The following ATP4B variants were observed in gnomAD, a reference collection of about 807,000 sequenced individuals.
ATP4B encodes potassium-transporting ATPase subunit beta.
In ATP4B, 27 loss-of-function variants were observed where a neutral mutation model predicts 35.3. The observed-to-expected ratio is 0.76, with a 90% CI of 0.56 to 1.05. The LOEUF is 1.05. Among genes scored for constraint, ATP4B ranks in the 50% least tolerant of loss-of-function variants. The pLI, the probability that ATP4B is intolerant of heterozygous loss-of-function variation, is 0.00. For synonymous variants in ATP4B, 162 were observed against 156.0 expected, an observed-to-expected ratio of 1.04 and a Z score of -0.29; for missense variants, 375 against 384.8, an observed-to-expected ratio of 0.97 and a Z score of 0.21.
Position 113,649,410 on chromosome 13 carries a change from T to C in ATP4B, c.840A>G (p.Glu280=). 1.3e-6 allele frequency: 2 copies of C among 1,592,634 alleles called. No individual in the cohort carries two copies. The highest frequency in any genetic ancestry group is 1.7e-6 in the Non-Finnish European group (2 of 1,167,998). ...TCTTGAGTTTGAACTCCACTTTCCCTTCATACGGGTCGTGGGGATTGTTGA... is the reference window on the plus strand; with the variant it reads ...TCTTGAGTTTGAACTCCACTTTCCCCTCATACGGGTCGTGGGGATTGTTGA... ...VTFNNPHDPY[E]GKVEFKLKIE... is the part of the protein sequence containing the mutation. Residue 280 remains glutamate (E), a synonymous_variant, in exon 7 of 7, where the codon GAA becomes GAG. Transcript: ENST00000335288. This position sits in a 1 kb window ranked among gnomAD's most constrained non-coding sequence, Gnocchi z 4.7.
intron 4 of ATP4B, among the ~76,000 whole-genome samples, chr13:113,652,414 C>CCT (rs2049719279): frequency 6.6e-6 from 1 of 152,224 alleles, no homozygotes; most frequent in East Asian, 1.9e-4. Context: ...GGCCCCAAGC[C>CCT]CTCTGCTTGG....
In ATP4B at chr13:113,658,181, AC is replaced by A; in HGVS notation, c.-38del. ...TGAGATCCTCCCGTCTGCTCCCTGCACCCTCTACGCCCAGACTGAGGCCAGA... is the reference window on the plus strand; with the variant it reads ...TGAGATCCTCCCGTCTGCTCCCTGCACCTCTACGCCCAGACTGAGGCCAGA... On this transcript the variant is annotated 5_prime_UTR_variant, in exon 1 of 7. Coordinates refer to ENST00000335288, the MANE Select transcript of ATP4B (RefSeq NM_000705.4). 6.3e-7 allele frequency: 1 copy of A among 1,578,716 alleles called. No homozygotes were observed. Among genetic ancestry groups the A allele is most frequent in the Non-Finnish European group, 8.6e-7 (1 of 1,158,714 alleles).
intron 4 of ATP4B, among the ~76,000 whole-genome samples, chr13:113,652,301 G>A (rs1040603345): frequency 8.5e-5 from 13 of 152,356 alleles, no homozygotes; most frequent in African/African-American, 2.6e-4. Context: ...ACGGGGACCC[G>A]TGAGGTGTAG....
At chr13:113,652,428 G>A (rs2049719381) in intron 4 of ATP4B, among the ~76,000 whole-genome samples, 1 of 152,202 alleles carries the variant, frequency 6.6e-6, no homozygotes, top group African/African-American at 2.4e-5. Flanking sequence ...TGCTTGGCCA[G>A]GACCTGCCCT....
rs753438684 is a variant in ATP4B at position 113,658,068 on chromosome 13, G to A, written c.77C>T (p.Thr26Met). 61 of 1,610,180 alleles carry A rather than the reference G, an allele frequency of 3.8e-5. No homozygotes were observed. Among genetic ancestry groups the A allele is most frequent in the South Asian group, 5.5e-5 (5 of 90,526 alleles). Residue 26 changes from threonine (T) to methionine (M), a missense_variant, in exon 1 of 7, where the codon ACG becomes ATG. Transcript: ENST00000335288. ...CAGGGTGCGGCCCAGCATCTGCCCCGTGTCCGGGTTCCAGCAGTAACGCTG... is the reference window on the plus strand; with the variant it reads ...CAGGGTGCGGCCCAGCATCTGCCCCATGTCCGGGTTCCAGCAGTAACGCTG... ...EFQRYCWNPD[T>M]GQMLGRTLSR...
In ATP4B at chr13:113,652,929, C is replaced by T. The variant is rs1056828188; in HGVS notation, c.499G>A (p.Asp167Asn). ...DMLQNCSGLA[D>N]PNFGFEEGKP... ...CCTTCTTCAAAGCCGAAGTTGGGATCCGCCAGGCCTGAGCAGTTCTGCAGC... is the reference window on the plus strand; with the variant it reads ...CCTTCTTCAAAGCCGAAGTTGGGATTCGCCAGGCCTGAGCAGTTCTGCAGC... The change falls in exon 4 of 7, where the codon GAT (aspartate) becomes AAT (asparagine). Residue 167 changes from aspartate (D) to asparagine (N), a missense_variant. Asp to Asn is a conservative substitution (Grantham distance 23). Coordinates refer to ENST00000335288, the MANE Select transcript of ATP4B (RefSeq NM_000705.4). 16 of 1,614,230 alleles carry T rather than the reference C, an allele frequency of 9.9e-6. No individual in the cohort carries two copies. The highest frequency in any genetic ancestry group is 1.3e-5 in the Non-Finnish European group (15 of 1,180,052).
Position 113,649,117 on chromosome 13 carries a change from G to A in ATP4B, c.*257C>T, listed in dbSNP as rs1002063433. 54 of 320,900 alleles carry A rather than the reference G, an allele frequency of 1.7e-4. No individual in the cohort carries two copies. The highest frequency in any genetic ancestry group is 1.1e-3 in the East Asian group (17 of 15,806). 19.9% of individuals were successfully genotyped at this position (320,900 alleles called of 1,614,324 possible). A position where few individuals can be genotyped will look rare whatever the true frequency, so the allele number is the denominator to read the frequency against. ...GTTAATTAGAGAGTTGCTGCCTTGC[G>A]TTCCCATGGTAGCTGGACATTCTTA... On this transcript the variant is annotated 3_prime_UTR_variant, in exon 7 of 7. Coordinates refer to ENST00000335288, the MANE Select transcript of ATP4B (RefSeq NM_000705.4). This position sits in a 1 kb window ranked among gnomAD's most constrained non-coding sequence, Gnocchi z 4.7.
chr13:113,649,664 G>A lies in ATP4B; in HGVS notation c.715-129C>T. ...AGCTCTTTTGTGTAAGACTGGCCCT[G>A]ACCGAGTGCATGCCCTGGAATTTGC... On this transcript the variant is annotated intron_variant, in intron 6 of 6. Transcript: ENST00000335288. The surrounding 1 kb of genome is among the most constrained non-coding windows in gnomAD (Gnocchi z 4.7). 1 of 1,071,486 alleles carries A rather than the reference G, an allele frequency of 9.3e-7. No individual in the cohort carries two copies. Among genetic ancestry groups the A allele is most frequent in the Non-Finnish European group, 1.3e-6 (1 of 788,358 alleles). The allele number at this position is 1,071,486 out of a possible 1,614,324, so 66.4% of individuals were successfully genotyped here. A position where few individuals can be genotyped will look rare whatever the true frequency, so the allele number is the denominator to read the frequency against.
chr13:113,652,413 C>G (rs2049719255), intron 4 of ATP4B, among the ~76,000 whole-genome samples: 1 of 152,242 alleles, frequency 6.6e-6, no homozygotes, highest in South Asian at 2.1e-4. Context: ...TGGCCCCAAG[C>G]CCTCTGCTTG....
At position 113,649,285 on chromosome 13, in the gene ATP4B, G is replaced by T; in HGVS notation, c.*89C>A. The T allele has an allele frequency of 6.9e-7, 1 of 1,457,872 alleles. No individual in the cohort carries two copies. The highest frequency in any genetic ancestry group is 9.2e-7 in the Non-Finnish European group (1 of 1,085,874). The allele number at this position is 1,457,872 out of a possible 1,614,324, so 90.3% of individuals were successfully genotyped here. On this transcript the variant is annotated 3_prime_UTR_variant, in exon 7 of 7. Coordinates refer to ENST00000335288, the MANE Select transcript of ATP4B (RefSeq NM_000705.4). The surrounding 1 kb of genome is among the most constrained non-coding windows in gnomAD (Gnocchi z 4.7). Reference sequence around the variant, plus strand: ...TCCAAACCACTTTGGGGATGATTTGGCAGGGAACTGACGGGCAAGGTAAGC... The same window carrying T: ...TCCAAACCACTTTGGGGATGATTTGTCAGGGAACTGACGGGCAAGGTAAGC...
chr13:113,656,373 C>G (rs2049754645), intron 1 of ATP4B, among the ~76,000 whole-genome samples: 1 of 152,180 alleles, frequency 6.6e-6, no homozygotes, highest in South Asian at 2.1e-4. Context: ...CGGTGCGTGT[C>G]TCCCCAGTGG....
intron 1 of ATP4B, among the ~76,000 whole-genome samples, chr13:113,655,930 T>C (rs953038504): frequency 6.6e-6 from 1 of 152,238 alleles, no homozygotes; most frequent in Non-Finnish European, 1.5e-5. Flanking sequence ...GCCTGCCCTC[T>C]TCTGTGAGCT....
At chr13:113,651,905 T>C (rs546679116) in intron 4 of ATP4B, among the ~76,000 whole-genome samples, 178 bp from the exon 5 acceptor site, 1 of 152,274 alleles carries the variant, frequency 6.6e-6, no homozygotes, top group African/African-American at 2.4e-5. Flanking sequence ...TAGGTGTCAC[T>C]AACTCATCAT....
chr13:113,655,254 C>T lies in ATP4B; in HGVS notation c.113-312G>A, dbSNP rs186621471. ...GCTGTTTGAGATGTGGCCGAGGATGCGCCACCACCCCAGCTCCAGCAGGAA... is the reference window on the plus strand; with the variant it reads ...GCTGTTTGAGATGTGGCCGAGGATGTGCCACCACCCCAGCTCCAGCAGGAA... On this transcript the variant is annotated intron_variant, in intron 1 of 6. Coordinates refer to ENST00000335288, the MANE Select transcript of ATP4B (RefSeq NM_000705.4). Among the ~76,000 whole-genome samples, 377 of 152,310 alleles carry T rather than the reference C, an allele frequency of 2.5e-3. 1 individual carries two copies. The highest frequency in any genetic ancestry group is 8.6e-3 in the African/African-American group (356 of 41,574).
chr13:113,649,417 G>A lies in ATP4B; in HGVS notation c.833C>T (p.Pro278Leu), dbSNP rs747568795. ...EHVTFNNPHDPYEGKVEFKLK... is the reference protein window; with the variant it reads ...EHVTFNNPHDLYEGKVEFKLK... ...TTTGAACTCCACTTTCCCTTCATAC[G>A]GGTCGTGGGGATTGTTGAAGGTCAC... Residue 278 changes from proline to leucine, a missense_variant, in exon 7 of 7, where the codon CCG becomes CTG. By Grantham distance (98) the Pro-to-Leu change is moderately conservative (BLOSUM62 -3). Transcript: ENST00000335288. This position sits in a 1 kb window ranked among gnomAD's most constrained non-coding sequence, Gnocchi z 4.7. The A allele has an allele frequency of 7.5e-6, 12 of 1,589,416 alleles. No individual in the cohort carries two copies. The highest frequency in any genetic ancestry group is 2.7e-5 in the African/African-American group (2 of 74,598).
In ATP4B at chr13:113,650,599, G is replaced by C. The variant is rs555318924; in HGVS notation, c.613-92C>G. The C allele has an allele frequency of 2.0e-5, 18 of 909,420 alleles. No individual in the cohort carries two copies. The highest frequency in any genetic ancestry group is 5.8e-4 in the Middle Eastern group (2 of 3,434). 56.3% of individuals were successfully genotyped at this position (909,420 alleles called of 1,614,324 possible). ...TTTGTGTGCGTGTGTGCACACACGC[G>C]CTGTGTAGGTGCTTGCATAAACACT... On this transcript the variant is annotated intron_variant, in intron 5 of 6. Transcript: ENST00000335288. The surrounding 1 kb of genome is among the most constrained non-coding windows in gnomAD (Gnocchi z 5.0).
chr13:113,655,886 C>T (rs2049751025), intron 1 of ATP4B, among the ~76,000 whole-genome samples: 1 of 152,236 alleles, frequency 6.6e-6, no homozygotes, highest in Non-Finnish European at 1.5e-5. Context: ...GGCCAGAGCC[C>T]TGAGCTGTGA....
intron 3 of ATP4B, 69 bp from the exon 4 acceptor site, chr13:113,653,141 C>T: frequency 6.5e-7 from 1 of 1,537,432 alleles, no homozygotes; most frequent in Non-Finnish European, 8.8e-7. Context: ...CCCGGGAAGG[C>T]CTTGCAAGCC....
rs555189484 is a variant in ATP4B at position 113,657,332 on chromosome 13, G to A, written c.112+701C>T. On this transcript the variant is annotated intron_variant, in intron 1 of 6. Coordinates refer to ENST00000335288, the MANE Select transcript of ATP4B (RefSeq NM_000705.4). ...AGGGGTCGCAGGGGGAGGTGGGGGC[G>A]CACAGGTGCTTCCTCCAGACTCTCT... Among the ~76,000 whole-genome samples the A allele has an allele frequency of 4.5e-4, 69 of 152,344 alleles. No homozygotes were observed. The South Asian group carries it at 9.1e-3, about 20-fold the overall frequency.
Sources: allele counts gnomAD v4.1 joint callset (sites outside exome capture counted in the v4.1 genomes callset), GRCh38; gene constraint gnomAD v4.1.1; non-coding constraint Gnocchi (gnomAD v3.1); transcripts MANE v1.5; gene names NCBI Gene and HGNC (gene_info 2026-07-23, HGNC 2026-07-21).